The following ERAP1 variants were observed in gnomAD, a reference collection of about 807,000 sequenced individuals.
The protein encoded by ERAP1 is endoplasmic reticulum aminopeptidase 1, also known as adipocyte-derived leucine aminopeptidase.
Under a neutral mutation model 103.7 loss-of-function variants are expected in ERAP1, and 86 were observed. That is an observed-to-expected ratio of 0.83 (90% confidence interval 0.70 to 0.99). The LOEUF (loss-of-function observed/expected upper bound fraction) is 0.99, where lower values mean the gene tolerates loss of function less well. ERAP1 is among the 50% of genes least tolerant of loss of function. The probability of loss-of-function intolerance (pLI) is 0.00; values close to 1 mark genes in which losing one functional copy is unlikely to be tolerated. For synonymous variants in ERAP1, 398 were observed against 402.4 expected, an observed-to-expected ratio of 0.99 and a Z score of 0.13; for missense variants, 1,009 against 1,128.4, an observed-to-expected ratio of 0.89 and a Z score of 1.52.
chr5:96,796,039 G>T (rs531409555), intron 4 of ERAP1, among the ~76,000 whole-genome samples: 1 of 152,110 alleles, frequency 6.6e-6, no homozygotes, highest in Admixed American at 6.5e-5. Flanking sequence ...AGCAATGGGC[G>T]GGTGTTTTTG....
At chr5:96,912,474 G>A in the ERAP1 span, among the ~76,000 whole-genome samples, 1 of 152,050 alleles carries the variant, frequency 6.6e-6, no homozygotes, top group Non-Finnish European at 1.5e-5. Context: ...CAGAGTAAAA[G>A]CACATAAAAT....
chr5:96,815,407 G>GTTTTTTTTTT, the ERAP1 span, among the ~76,000 whole-genome samples: 58 of 105,458 alleles, frequency 5.5e-4, 1 homozygote, highest in Non-Finnish European at 8.5e-4. Flanking sequence ...TGTTTGTTTT[G>GTTTTTTTTTT]TTTTTTATTT....
rs1043016055 is a variant in ERAP1, at chr5:96,788,262, C to T, written c.1679+269G>A. Among the ~76,000 whole-genome samples, 6 of 152,056 alleles carry T rather than the reference C, an allele frequency of 3.9e-5. No individual in the cohort carries two copies. In the East Asian group the frequency reaches 7.7e-4, roughly 20 times the overall value. ...GTTGGAGTTGATTTCAAGCCAGTAA[C>T]CAGAAATTACCATCATATCAAATTA... On this transcript the variant is annotated intron_variant, in intron 11 of 18. Coordinates refer to ENST00000443439, the MANE Select transcript of ERAP1 (RefSeq NM_001040458.3).
the ERAP1 span, among the ~76,000 whole-genome samples, chr5:96,861,882 T>A: frequency 6.6e-6 from 1 of 152,184 alleles, no homozygotes; most frequent in African/African-American, 2.4e-5. Flanking sequence ...CCAACAGTAA[T>A]TTTGCCTATT....
the ERAP1 span, among the ~76,000 whole-genome samples, chr5:96,836,151 A>G: frequency 7.8e-6 from 1 of 128,824 alleles, no homozygotes; most frequent in East Asian, 2.2e-4. Context: ...ATCCTTTTAC[A>G]TTTCAGGGAT....
the ERAP1 span, chr5:96,902,312 C>A: frequency 1.9e-6 from 3 of 1,612,494 alleles, no homozygotes; most frequent in Non-Finnish European, 2.5e-6. Flanking sequence ...TCCACGAGTT[C>A]TTCTAATGTG....
At chr5:96,891,210 ATC>A in the ERAP1 span, among the ~76,000 whole-genome samples, 1 of 152,130 alleles carries the variant, frequency 6.6e-6, no homozygotes, top group Non-Finnish European at 1.5e-5. Flanking sequence ...TTAAAAAATT[ATC>A]TTTTTTTCCA....
At chr5:96,800,234 T>C (rs1452385564) in intron 3 of ERAP1, among the ~76,000 whole-genome samples, 1 of 152,228 alleles carries the variant, frequency 6.6e-6, no homozygotes, top group East Asian at 1.9e-4. Flanking sequence ...TCATTTGGCA[T>C]GGTCATCTTC....
chr5:96,787,196 T>C (rs1196906278), intron 11 of ERAP1, among the ~76,000 whole-genome samples: 1 of 152,242 alleles, frequency 6.6e-6, no homozygotes, highest in Non-Finnish European at 1.5e-5. Context: ...ATAATAGTAT[T>C]ATATAAAGTT....
chr5:96,912,632 T>C, the ERAP1 span: 1 of 1,593,604 alleles, frequency 6.3e-7, no homozygotes, highest in Non-Finnish European at 8.5e-7. Flanking sequence ...TGCTTGATAT[T>C]ACAGTATACC....
chr5:96,865,508 A>G, the ERAP1 span, among the ~76,000 whole-genome samples: 1 of 152,206 alleles, frequency 6.6e-6, no homozygotes, highest in Non-Finnish European at 1.5e-5. Context: ...AGGTAGAAAT[A>G]CTTGGTAGAT....
chr5:96,891,565 T>C, the ERAP1 span, among the ~76,000 whole-genome samples: 46 of 142,062 alleles, frequency 3.2e-4, no homozygotes, highest in East Asian at 3.8e-3. Flanking sequence ...CACACACACA[T>C]ATATGGTACA....
At chr5:96,916,589 G>C in the ERAP1 span, among the ~76,000 whole-genome samples, 1 of 147,880 alleles carries the variant, frequency 6.8e-6, no homozygotes. Flanking sequence ...TCAGCCTCCC[G>C]AGTAGCTGGG....
the ERAP1 span, chr5:96,879,694 T>C: frequency 6.2e-7 from 1 of 1,613,100 alleles, no homozygotes; most frequent in Non-Finnish European, 8.5e-7. Flanking sequence ...TCATGTTCCA[T>C]TCTTCTGCAA....
At chr5:96,798,185 C>T (rs1009159810) in intron 3 of ERAP1, among the ~76,000 whole-genome samples, 5 of 151,708 alleles carry the variant, frequency 3.3e-5, no homozygotes, top group South Asian at 2.1e-4. Context: ...ATTAGCCGGG[C>T]GTGGTGGCAG....
chr5:96,814,111 C>G, the ERAP1 span: 1 of 369,606 alleles, frequency 2.7e-6, no homozygotes, highest in Non-Finnish European at 5.4e-6. Context: ...ATGACTGGAG[C>G]TGCAGTCTCA....
the ERAP1 span, chr5:96,883,780 G>A: frequency 6.2e-7 from 1 of 1,607,788 alleles, no homozygotes; most frequent in Non-Finnish European, 8.5e-7. Context: ...CTGGGGGTGG[G>A]TCTTTTCACA....
chr5:96,771,212 C>T (rs182414945), downstream of ERAP1, among the ~76,000 whole-genome samples: 604 of 152,220 alleles, frequency 4.0e-3, 13 homozygotes, highest in South Asian at 0.024. Context: ...ACTTATTTGC[C>T]TATTATTTAA....
chr5:96,895,416 AT>A, the ERAP1 span: 5 of 1,214,136 alleles, frequency 4.1e-6, no homozygotes, highest in Admixed American at 4.1e-5. Context: ...TCAATTCACT[AT>A]TAAAATTTCA....
Sources: allele counts gnomAD v4.1 joint callset (sites outside exome capture counted in the v4.1 genomes callset), GRCh38; gene constraint gnomAD v4.1.1; transcripts MANE v1.5; gene names NCBI Gene and HGNC (gene_info 2026-07-23, HGNC 2026-07-21).